ZNF385D: variants seen among roughly 807,000 people sequenced by gnomAD.
ZNF385D encodes the protein zinc finger protein 659.
In ZNF385D, 15 loss-of-function variants were observed where a neutral mutation model predicts 35.8. The ratio of observed to expected loss-of-function variants is 0.42; its 90% confidence interval spans 0.28 to 0.64. ZNF385D has a LOEUF of 0.64. ZNF385D is among the 30% of genes least tolerant of loss of function. The pLI is 0.23. For missense variants in ZNF385D, 474 were observed against 494.6 expected (o/e 0.96, Z 0.39); for synonymous variants, 212 against 186.8 (o/e 1.13, Z -1.10).
intron 2 of ZNF385D, among the ~76,000 whole-genome samples, chr3:22,324,517 T>A (rs1472030167): frequency 1.3e-5 from 2 of 152,102 alleles, no homozygotes; most frequent in Admixed American, 6.5e-5. Context: ...GATGAAGATA[T>A]ATAAAAATTT....
At chr3:21,476,015 G>T (rs541436332) in intron 4 of ZNF385D, among the ~76,000 whole-genome samples, 25 of 152,006 alleles carry the variant, frequency 1.6e-4, no homozygotes, top group African/African-American at 5.3e-4. Context: ...AGAAGTTGCT[G>T]GTCATATGGA....
intron 3 of ZNF385D, among the ~76,000 whole-genome samples, chr3:21,988,220 G>A (rs1163554173): frequency 2.3e-4 from 29 of 127,682 alleles, no homozygotes; most frequent in African/African-American, 6.5e-4. Context: ...GAGGAACTGC[G>A]TTCCTTTGGA....
At chr3:22,188,823 T>G (rs1259970826) in intron 2 of ZNF385D, among the ~76,000 whole-genome samples, 1 of 152,220 alleles carries the variant, frequency 6.6e-6, no homozygotes, top group African/African-American at 2.4e-5. Context: ...CTTTTTGCTT[T>G]TAAGCATTTC....
chr3:21,456,598 A>G (rs527797362), intron 4 of ZNF385D, among the ~76,000 whole-genome samples: 5 of 152,122 alleles, frequency 3.3e-5, no homozygotes, highest in Admixed American at 2.0e-4. Flanking sequence ...GGGTGGGGGG[A>G]GTAAGGAGGG....
rs1266009929 is a variant in ZNF385D at position 21,420,251 on chromosome 3, GGA to G, written c.*961_*962del. The G allele has an allele frequency of 6.6e-6, 1 of 152,052 alleles. No homozygotes were observed. Among genetic ancestry groups the G allele is most frequent in the Non-Finnish European group, 1.5e-5 (1 of 68,002 alleles). 9.4% of individuals were successfully genotyped at this position (152,052 alleles called of 1,614,324 possible). A position where few individuals can be genotyped will look rare whatever the true frequency, so the allele number is the denominator to read the frequency against. ...AGATGCAACATTCTCCGTTTTTACT[GGA>G]TATGTACTAAATGAAAGATCTTTAC... On this transcript the variant is annotated 3_prime_UTR_variant, in exon 8 of 8. Coordinates refer to ENST00000281523, the MANE Select transcript of ZNF385D (RefSeq NM_024697.3).
chr3:22,061,922 T>G (rs1335715354), intron 3 of ZNF385D, among the ~76,000 whole-genome samples: 2 of 152,240 alleles, frequency 1.3e-5, no homozygotes, highest in Non-Finnish European at 2.9e-5. Context: ...TCTTGTTGGT[T>G]GCTTCATCCC....
intron 3 of ZNF385D, among the ~76,000 whole-genome samples, chr3:21,902,993 A>T (rs760723802): frequency 6.6e-6 from 1 of 152,168 alleles, no homozygotes; most frequent in South Asian, 2.1e-4. Flanking sequence ...TTGAGACCAC[A>T]ACTCAAACTT....
At chr3:21,442,886 A>AGTGTGTGTGTGTGTGTGT (rs4045435) in intron 4 of ZNF385D, among the ~76,000 whole-genome samples, 1 of 147,168 alleles carries the variant, frequency 6.8e-6, no homozygotes, top group African/African-American at 2.5e-5. Context: ...TCTGTGTATA[A>AGTGTGTGTGTGTGTGTGT]GTGTGTGTGT....
intron 3 of ZNF385D, among the ~76,000 whole-genome samples, chr3:22,050,212 A>G (rs1036844477): frequency 6.6e-6 from 1 of 151,158 alleles, no homozygotes; most frequent in Non-Finnish European, 1.5e-5. Flanking sequence ...AAAAAAAAAA[A>G]GCAGCTCTCT....
chr3:21,982,902 T>G (rs572610371), intron 3 of ZNF385D, among the ~76,000 whole-genome samples: 1 of 152,242 alleles, frequency 6.6e-6, no homozygotes, highest in Non-Finnish European at 1.5e-5. Context: ...TTTATTGATT[T>G]GTGTATGTTG....
At chr3:22,231,990 T>A (rs1238361232) in intron 2 of ZNF385D, among the ~76,000 whole-genome samples, 1 of 152,128 alleles carries the variant, frequency 6.6e-6, no homozygotes, top group Non-Finnish European at 1.5e-5. Flanking sequence ...ACCATGATTG[T>A]AAGTTTCCTG....
intron 2 of ZNF385D, among the ~76,000 whole-genome samples, chr3:22,233,844 A>G (rs1699030979): frequency 1.3e-5 from 2 of 152,218 alleles, no homozygotes; most frequent in South Asian, 4.1e-4. Flanking sequence ...GTATTAAGAA[A>G]CAATTTAATG....
At chr3:21,917,876 G>C (rs530186470) in intron 3 of ZNF385D, among the ~76,000 whole-genome samples, 65 of 152,274 alleles carry the variant, frequency 4.3e-4, no homozygotes, top group African/African-American at 1.5e-3. Context: ...ACTCTAGTCA[G>C]TCATTAAGCA....
intron 2 of ZNF385D, among the ~76,000 whole-genome samples, chr3:22,236,646 C>G (rs1699200448): frequency 6.6e-6 from 1 of 152,180 alleles, no homozygotes; most frequent in Non-Finnish European, 1.5e-5. Flanking sequence ...ATCATCACCA[C>G]TATCTATTTT....
At chr3:22,236,310 G>C (rs746016128) in intron 2 of ZNF385D, among the ~76,000 whole-genome samples, 1 of 151,830 alleles carries the variant, frequency 6.6e-6, no homozygotes, top group South Asian at 2.1e-4. Flanking sequence ...ATTATCACTG[G>C]AAAGTTGACT....
chr3:22,193,962 T>G (rs1379758139), intron 2 of ZNF385D, among the ~76,000 whole-genome samples: 1 of 151,950 alleles, frequency 6.6e-6, no homozygotes, highest in African/African-American at 2.4e-5. Flanking sequence ...TTCCTTAATT[T>G]TGCTAGTGAA....
chr3:21,767,693 G>A (rs1181051473), intron 3 of ZNF385D, among the ~76,000 whole-genome samples: 1 of 151,920 alleles, frequency 6.6e-6, no homozygotes, highest in Non-Finnish European at 1.5e-5. Flanking sequence ...GGTGGGAGAG[G>A]AAGAGAGGGT....
chr3:21,560,623 A>G (rs552619502), intron 3 of ZNF385D, among the ~76,000 whole-genome samples: 23 of 152,320 alleles, frequency 1.5e-4, no homozygotes, highest in African/African-American at 5.3e-4. Flanking sequence ...CATGGGGGTC[A>G]GGGACCCACT....
chr3:22,119,858 C>T (rs6769016), intron 3 of ZNF385D, among the ~76,000 whole-genome samples: 57,347 of 151,768 alleles, frequency 0.38, 11,347 homozygotes, highest in East Asian at 0.45. Context: ...TTAATTTTTT[C>T]ATTTTTTGAG....
Sources: allele counts gnomAD v4.1 joint callset (sites outside exome capture counted in the v4.1 genomes callset), GRCh38; gene constraint gnomAD v4.1.1; transcripts MANE v1.5; gene names NCBI Gene and HGNC (gene_info 2026-07-23, HGNC 2026-07-21).